The following TTC23 variants were observed in gnomAD, a reference collection of about 807,000 sequenced individuals.
TTC23 encodes the protein tetratricopeptide repeat protein 23.
Under a neutral mutation model 55.1 loss-of-function variants are expected in TTC23, and 58 were observed. The ratio of observed to expected loss-of-function variants is 1.05; its 90% CI spans 0.85 to 1.31. The LOEUF (loss-of-function observed/expected upper bound fraction) is 1.31. TTC23 is among the 50% of genes most tolerant of loss of function. The probability of loss-of-function intolerance (pLI) is 0.00; values close to 1 mark genes in which losing one functional copy is unlikely to be tolerated. For synonymous variants in TTC23, 203 were observed against 199.9 expected (o/e 1.02, Z -0.13); for missense variants, 516 against 534.4 (o/e 0.97, Z 0.34).
At chr15:99,179,915 C>T (rs2073957802) in intron 9 of TTC23, among the ~76,000 whole-genome samples, 1 of 152,254 alleles carries the variant, frequency 6.6e-6, no homozygotes. Context: ...GTTTAGACTA[C>T]ACTGTCTTTC....
chr15:99,166,516 G>A (rs1013317504), intron 10 of TTC23, among the ~76,000 whole-genome samples: 9 of 152,172 alleles, frequency 5.9e-5, no homozygotes, highest in Non-Finnish European at 1.2e-4. Context: ...AAGAGGGAAC[G>A]GGTGTGAGGG....
At chr15:99,172,729 G>A (rs1405116502) in intron 10 of TTC23, among the ~76,000 whole-genome samples, 1 of 152,202 alleles carries the variant, frequency 6.6e-6, no homozygotes, top group African/African-American at 2.4e-5. Flanking sequence ...GAGAACCATT[G>A]CTGGTATGCC....
intron 12 of TTC23, among the ~76,000 whole-genome samples, chr15:99,150,659 A>T (rs1053070643): frequency 1.3e-5 from 2 of 152,260 alleles, no homozygotes; most frequent in African/African-American, 4.8e-5. Flanking sequence ...TTGAAGTTCA[A>T]AGTTAGTGTT....
Position 99,228,393 on chromosome 15 carries a change from A to G in TTC23, c.180+140T>C, listed in dbSNP as rs1022995282. ...TAGAGGTACTGCATTCATTCATGTT[A>G]TAACAAAGGCACTGTCTTATATACT... On this transcript the variant is annotated intron_variant, in intron 5 of 13. Coordinates refer to ENST00000394132, the MANE Select transcript of TTC23 (RefSeq NM_001288615.3). 19 of 668,326 alleles carry G rather than the reference A, an allele frequency of 2.8e-5. No individual in the cohort carries two copies. In the African/African-American group the frequency reaches 3.3e-4, roughly 11 times the overall value. 41.4% of individuals were successfully genotyped at this position (668,326 alleles called of 1,614,324 possible). A position where few individuals can be genotyped will look rare whatever the true frequency, so the allele number is the denominator to read the frequency against.
At chr15:99,168,859 G>T (rs1022705505) in intron 10 of TTC23, among the ~76,000 whole-genome samples, 1 of 152,140 alleles carries the variant, frequency 6.6e-6, no homozygotes, top group African/African-American at 2.4e-5. Context: ...TGCACCCTCA[G>T]CAGCGTGGGG....
intron 10 of TTC23, among the ~76,000 whole-genome samples, chr15:99,162,764 T>C (rs548703441): frequency 1.3e-5 from 2 of 152,204 alleles, no homozygotes; most frequent in East Asian, 1.9e-4. Context: ...GCTTATGTTA[T>C]AGGGTACAGC....
At chr15:99,242,133 G>GAAAAAAAAAAAAAAAAA (rs35988389) in intron 2 of TTC23, among the ~76,000 whole-genome samples, 1 of 134,642 alleles carries the variant, frequency 7.4e-6, no homozygotes. Context: ...TCCTGTCTCA[G>GAAAAAAAAAAAAAAAAA]AAAAAAAAAA....
At chr15:99,199,032 C>G (rs2075977634) in intron 9 of TTC23, among the ~76,000 whole-genome samples, 1 of 152,154 alleles carries the variant, frequency 6.6e-6, no homozygotes, top group Admixed American at 6.5e-5. Flanking sequence ...TGGTCAAACG[C>G]TAGTCTAGGT....
intron 4 of TTC23, 139 bp from the exon 5 acceptor site, chr15:99,228,871 G>T: frequency 1.6e-6 from 1 of 641,880 alleles, no homozygotes; most frequent in Non-Finnish European, 2.5e-6. Flanking sequence ...GGCTACTACT[G>T]ACCTGCTGAT....
chr15:99,178,874 G>T (rs1244286935), intron 9 of TTC23, among the ~76,000 whole-genome samples: 4 of 152,210 alleles, frequency 2.6e-5, no homozygotes, highest in African/African-American at 4.8e-5. Context: ...AAGGTGCTGG[G>T]GGCATTTGCT....
At chr15:99,242,203 A>G (rs1002832969) in intron 2 of TTC23, among the ~76,000 whole-genome samples, 2 of 152,110 alleles carry the variant, frequency 1.3e-5, no homozygotes, top group African/African-American at 2.4e-5. Context: ...AGTGTACGCT[A>G]GTTAAGAAGC....
intron 10 of TTC23, among the ~76,000 whole-genome samples, chr15:99,169,274 C>T (rs2072584136): frequency 6.6e-6 from 1 of 152,120 alleles, no homozygotes; most frequent in Admixed American, 6.5e-5. Context: ...TCTCAGAGCG[C>T]ACAGGGGCCC....
chr15:99,170,267 C>T (rs1480299190), intron 10 of TTC23, among the ~76,000 whole-genome samples: 1 of 152,096 alleles, frequency 6.6e-6, no homozygotes, highest in African/African-American at 2.4e-5. Flanking sequence ...GCTTGTGCGT[C>T]GAGACTGAAA....
chr15:99,148,708 A>G (rs1032605755), intron 12 of TTC23: 3 of 152,150 alleles, frequency 2.0e-5, no homozygotes, highest in Non-Finnish European at 4.4e-5. Flanking sequence ...GCAGCCTTTC[A>G]CCTGAGGAAA....
At chr15:99,248,631 G>A (rs1293022573) in intron 1 of TTC23, among the ~76,000 whole-genome samples, 2 of 152,114 alleles carry the variant, frequency 1.3e-5, no homozygotes, top group East Asian at 1.9e-4. Flanking sequence ...ACAGTCATCC[G>A]GGCATTAAGA....
chr15:99,204,632 G>GTTTTTTTTTTTTTT lies in TTC23; in HGVS notation c.582-4550_582-4537dup, dbSNP rs56890685. On this transcript the variant is annotated intron_variant, in intron 8 of 13. Coordinates refer to ENST00000394132, the MANE Select transcript of TTC23 (RefSeq NM_001288615.3). Reference sequence around the variant, plus strand: ...TCAGAGTTTCAGTCTTAGATTTAAGGTTTTTTTTTTTTTTTTTTTTTTTAG... The same window carrying GTTTTTTTTTTTTTT: ...TCAGAGTTTCAGTCTTAGATTTAAGGTTTTTTTTTTTTTTTTTTTTTTTTTTTTTTTTTTTTTAG... Among the ~76,000 whole-genome samples the GTTTTTTTTTTTTTT allele has an allele frequency of 9.1e-3, 553 of 60,880 alleles. 129 individuals carry two copies. The highest frequency in any genetic ancestry group is 0.017 in the Middle Eastern group (1 of 60). 39.9% of individuals were successfully genotyped at this position (60,880 alleles called of 152,430 possible).
At chr15:99,155,746 A>C in intron 12 of TTC23, 1 of 213,716 alleles carries the variant, frequency 4.7e-6, no homozygotes, top group Non-Finnish European at 9.2e-6. Context: ...GCCATTTGGA[A>C]AAAAGGTAAG....
chr15:99,205,844 T>C (rs892754840), intron 8 of TTC23, among the ~76,000 whole-genome samples: 4 of 152,222 alleles, frequency 2.6e-5, no homozygotes, highest in African/African-American at 7.2e-5. Context: ...TTCTGTACTA[T>C]GTTGAATAAA....
At position 99,228,693 on chromosome 15, in the gene TTC23, G is replaced by T. The variant is rs1465609428; in HGVS notation, c.20C>A (p.Thr7Asn). MQESQETHISNHLDEVV... is the reference protein window; with the variant it reads MQESQENHISNHLDEVV... The stretch of plus-strand genomic sequence containing the variant: ...TTCATCTAGGTGGTTGGATATGTGG[G>T]TTTCCTGTGATTCTTGCATATTTTT... Residue 7 changes from threonine (T) to asparagine (N), a missense_variant, in exon 5 of 14, where the codon ACC (threonine) becomes AAC (asparagine). By Grantham distance (65) the Thr-to-Asn change is moderately conservative. Coordinates refer to ENST00000394132, the MANE Select transcript of TTC23 (RefSeq NM_001288615.3). 1.9e-6 allele frequency: 3 copies of T among 1,602,308 alleles called. No individual in the cohort carries two copies. The African/African-American group carries it at 4.0e-5, about 22-fold the overall frequency.
Sources: gnomAD v4.1 joint callset for allele counts (sites outside exome capture counted in the v4.1 genomes callset) on GRCh38, gnomAD v4.1.1 for gene constraint, MANE v1.5 for transcripts, NCBI Gene and HGNC (gene_info 2026-07-23, HGNC 2026-07-21) for gene names.